ANKRD13C: variants seen among roughly 807,000 people sequenced by gnomAD.
ANKRD13C encodes ankyrin repeat domain 13C.
In ANKRD13C, 16 loss-of-function variants were observed where a neutral mutation model predicts 65.5. The ratio of observed to expected loss-of-function variants is 0.24; its 90% CI spans 0.17 to 0.37. The LOEUF (loss-of-function observed/expected upper bound fraction) is 0.37. Ranked by LOEUF, ANKRD13C falls within the 10% of genes least tolerant of loss-of-function variation. The pLI, the probability that ANKRD13C is intolerant of heterozygous loss-of-function variation, is 1.00. For synonymous variants in ANKRD13C, 235 were observed against 238.7 expected (o/e 0.98, Z 0.14); for missense variants, 503 against 655.9 (o/e 0.77, Z 2.55).
chr1:70,301,230 T>C (rs544257565), intron 6 of ANKRD13C, among the ~76,000 whole-genome samples: 10 of 151,920 alleles, frequency 6.6e-5, no homozygotes, highest in Non-Finnish European at 1.3e-4. Flanking sequence ...TACACACACA[T>C]ATTTCATTGA....
At position 70,354,716 on chromosome 1, in the gene ANKRD13C, C is replaced by T; in HGVS notation, c.-308G>A. The T allele has an allele frequency of 4.1e-6, 3 of 734,162 alleles. No homozygotes were observed. The highest frequency in any genetic ancestry group is 6.5e-6 in the Non-Finnish European group (3 of 459,796). The allele number at this position is 734,162 out of a possible 1,614,324, so 45.5% of individuals were successfully genotyped here. A position where few individuals can be genotyped will look rare whatever the true frequency, so the allele number is the denominator to read the frequency against. On this transcript the variant is annotated 5_prime_UTR_variant, in exon 1 of 13. Coordinates refer to ENST00000370944, the MANE Select transcript of ANKRD13C (RefSeq NM_030816.5). ...AAAAACAGGGCACGGCCATCTTCCT[C>T]TTGCTCCTCTCGCGAGAGCTCCCCC...
rs1476096454 is a variant in ANKRD13C, at chr1:70,261,408, T to A, written c.*1309A>T. On this transcript the variant is annotated 3_prime_UTR_variant, in exon 13 of 13. Coordinates refer to ENST00000370944, the MANE Select transcript of ANKRD13C (RefSeq NM_030816.5). The stretch of plus-strand genomic sequence containing the variant: ...GACAGATGCATTCTTGAGACATTCA[T>A]CAGGATACATTTTAAAAACATCAAT... 1.2e-4 allele frequency: 18 copies of A among 152,106 alleles called. No individual in the cohort carries two copies. The highest frequency in any genetic ancestry group is 1.2e-3 in the Admixed American group (18 of 15,266). The allele number at this position is 152,106 out of a possible 1,614,324, so 9.4% of individuals were successfully genotyped here.
At chr1:70,292,250 T>C in intron 9 of ANKRD13C, 138 bp downstream of exon 9, 1 of 609,936 alleles carries the variant, frequency 1.6e-6, no homozygotes, top group Non-Finnish European at 2.5e-6. Flanking sequence ...ATCAACGAAA[T>C]GAAGATTCAC....
Position 70,315,461 on chromosome 1 carries a change from A to C in ANKRD13C, c.663+20T>G. On this transcript the variant is annotated intron_variant, in intron 4 of 12. Transcript: ENST00000370944. The stretch of plus-strand genomic sequence containing the variant: ...ATAATTACTTCCAAGGTGCAAAATT[A>C]ACAAAGAAATATAGCTTACCTCTTT... 1 of 1,577,750 alleles carries C rather than the reference A, an allele frequency of 6.3e-7. No homozygotes were observed. The highest frequency in any genetic ancestry group is 1.2e-5 in the South Asian group (1 of 83,826).
intron 12 of ANKRD13C, among the ~76,000 whole-genome samples, chr1:70,268,183 C>G (rs915809671): frequency 3.3e-5 from 5 of 152,026 alleles, no homozygotes; most frequent in African/African-American, 1.2e-4. Flanking sequence ...CCCGCCCCCA[C>G]CTTGAGACAG....
chr1:70,304,760 T>C (rs1398677509), intron 6 of ANKRD13C, among the ~76,000 whole-genome samples: 1 of 152,138 alleles, frequency 6.6e-6, no homozygotes, highest in Non-Finnish European at 1.5e-5. Flanking sequence ...TTGCCTACCA[T>C]CTTTGGCAAG....
At chr1:70,280,878 T>C (rs1174241787) in intron 9 of ANKRD13C, among the ~76,000 whole-genome samples, 1 of 152,034 alleles carries the variant, frequency 6.6e-6, no homozygotes, top group Non-Finnish European at 1.5e-5. Context: ...AAATGAGAAA[T>C]GATAAGGGCA....
Position 70,354,285 on chromosome 1 carries a change from T to C in ANKRD13C, c.124A>G (p.Arg42Gly). The C allele has an allele frequency of 6.2e-7, 1 of 1,613,964 alleles. No homozygotes were observed. Among genetic ancestry groups the C allele is most frequent in the Non-Finnish European group, 8.5e-7 (1 of 1,180,028 alleles). The change falls in exon 1 of 13, where the codon AGG becomes GGG. Residue 42 changes from arginine (R) to glycine (G), a missense_variant. Physicochemically the swap from Arg to Gly is moderately radical, Grantham distance 125. Coordinates refer to ENST00000370944, the MANE Select transcript of ANKRD13C (RefSeq NM_030816.5). ...CAAGCTTTGCCGCCCTTGCCAATCC[T>C]GCTTCTGGTAAAGGTACCGCCGAGG... is the stretch of plus-strand genomic sequence containing the variant. The part of the protein sequence containing the change: ...AALGGTFTRS[R>G]IGKGGKACHK...
At chr1:70,288,256 G>A (rs1264101622) in intron 9 of ANKRD13C, among the ~76,000 whole-genome samples, 2 of 152,096 alleles carry the variant, frequency 1.3e-5, no homozygotes, top group Admixed American at 6.5e-5. Context: ...CCAAAAGCTG[G>A]CAAGGATGTA....
chr1:70,328,174 T>C (rs1558304252), intron 2 of ANKRD13C, among the ~76,000 whole-genome samples: 5 of 152,170 alleles, frequency 3.3e-5, no homozygotes. Context: ...TTTGTTGTGA[T>C]AATCTTTCAA....
intron 9 of ANKRD13C, among the ~76,000 whole-genome samples, chr1:70,285,630 C>CTTTT (rs528594825): frequency 7.5e-6 from 1 of 133,568 alleles, no homozygotes; most frequent in Non-Finnish European, 1.6e-5. Flanking sequence ...GAGTTAAACA[C>CTTTT]TTTTTTTTTT....
At chr1:70,336,364 G>T (rs1364439725) in intron 1 of ANKRD13C, among the ~76,000 whole-genome samples, 1 of 152,070 alleles carries the variant, frequency 6.6e-6, no homozygotes, top group African/African-American at 2.4e-5. Flanking sequence ...GATTCCTTTT[G>T]CTGCTAATTT....
At chr1:70,329,338 T>C (rs1047815230) in intron 2 of ANKRD13C, among the ~76,000 whole-genome samples, 2 of 151,928 alleles carry the variant, frequency 1.3e-5, no homozygotes, top group African/African-American at 2.4e-5. Flanking sequence ...CTGGCCAACA[T>C]AGTGAAACCC....
chr1:70,307,212 A>ATCAACAT (rs1680625733), intron 5 of ANKRD13C, among the ~76,000 whole-genome samples: 1 of 152,220 alleles, frequency 6.6e-6, no homozygotes, highest in South Asian at 2.1e-4. Context: ...TTTCAAAAGC[A>ATCAACAT]TCAACATTTT....
chr1:70,301,825 T>C (rs1163562672), intron 6 of ANKRD13C, among the ~76,000 whole-genome samples: 1 of 152,228 alleles, frequency 6.6e-6, no homozygotes, highest in African/African-American at 2.4e-5. Flanking sequence ...TGCTTCAGTC[T>C]TGCACATGGC....
intron 12 of ANKRD13C, among the ~76,000 whole-genome samples, chr1:70,265,218 A>G (rs1678562862): frequency 6.6e-6 from 1 of 152,170 alleles, no homozygotes; most frequent in Non-Finnish European, 1.5e-5. Flanking sequence ...ATATAATACA[A>G]GGTGACAAGA....
At chr1:70,301,984 G>C (rs911718378) in intron 6 of ANKRD13C, among the ~76,000 whole-genome samples, 1 of 151,994 alleles carries the variant, frequency 6.6e-6, no homozygotes, top group African/African-American at 2.4e-5. Context: ...AATCCACCCT[G>C]GCTACTGAAT....
At chr1:70,299,700 GAGGAAAAAC>G (rs1432281167) in intron 7 of ANKRD13C, among the ~76,000 whole-genome samples, 1 of 152,148 alleles carries the variant, frequency 6.6e-6, no homozygotes, top group Non-Finnish European at 1.5e-5. Flanking sequence ...TTCTTCAAAA[GAGGAAAAAC>G]AGGAAAAAGA....
intron 12 of ANKRD13C, among the ~76,000 whole-genome samples, chr1:70,268,638 T>C (rs956371728): frequency 9.2e-5 from 14 of 152,176 alleles, no homozygotes; most frequent in African/African-American, 1.9e-4. Flanking sequence ...GGAGGTCCCA[T>C]TTCTGATATT....
Sources: gnomAD v4.1 joint callset for allele counts (sites outside exome capture counted in the v4.1 genomes callset) on GRCh38, gnomAD v4.1.1 for gene constraint, MANE v1.5 for transcripts, NCBI Gene and HGNC (gene_info 2026-07-23, HGNC 2026-07-21) for gene names.